Variants in SDK1 observed in about 807,000 individuals in gnomAD.
SDK1 encodes the protein protein sidekick-1.
A neutral mutation model predicts 245.5 loss-of-function variants in SDK1; 157 were observed. The ratio of observed to expected loss-of-function variants is 0.64; its 90% confidence interval spans 0.56 to 0.73. The LOEUF (loss-of-function observed/expected upper bound fraction) is 0.73, where lower values mean the gene tolerates loss of function less well. Ranked by LOEUF, SDK1 falls within the 30% of genes least tolerant of loss-of-function variation. The probability of loss-of-function intolerance (pLI) is 0.00; values close to 1 mark genes in which losing one functional copy is unlikely to be tolerated. For missense variants in SDK1, 3,583 were observed against 3,002.3 expected (o/e 1.19, Z -4.52); for synonymous variants, 1,647 against 1,278.5 (o/e 1.29, Z -6.15).
At chr7:3,380,681 T>G (rs982983197) in intron 1 of SDK1, among the ~76,000 whole-genome samples, 1 of 152,202 alleles carries the variant, frequency 6.6e-6, no homozygotes, top group Non-Finnish European at 1.5e-5. Context: ...TTAAGGAGAC[T>G]GACTCTTTCT....
At chr7:4,132,069 G>C (rs1034040721) in intron 27 of SDK1, among the ~76,000 whole-genome samples, 4 of 152,240 alleles carry the variant, frequency 2.6e-5, no homozygotes, top group Admixed American at 2.6e-4. Flanking sequence ...GGCATAGTTC[G>C]TGAACCCTGC....
intron 4 of SDK1, among the ~76,000 whole-genome samples, chr7:3,798,826 C>T (rs1322871902): frequency 6.6e-6 from 1 of 152,124 alleles, no homozygotes; most frequent in Non-Finnish European, 1.5e-5. Context: ...ATTAAAACTA[C>T]CACAAAAAAT....
intron 1 of SDK1, among the ~76,000 whole-genome samples, chr7:3,403,186 A>G (rs1464308077): frequency 2.0e-5 from 3 of 152,130 alleles, no homozygotes; most frequent in Non-Finnish European, 4.4e-5. Flanking sequence ...TGCCCGCCTT[A>G]GCCTCCCAAA....
At chr7:3,751,681 C>G (rs111936364) in intron 4 of SDK1, among the ~76,000 whole-genome samples, 5 of 152,138 alleles carry the variant, frequency 3.3e-5, no homozygotes, top group South Asian at 2.1e-4. Flanking sequence ...ACTGCAGTAC[C>G]GAGCTCTGTG....
intron 2 of SDK1, among the ~76,000 whole-genome samples, chr7:3,631,709 G>A (rs1782296844): frequency 6.6e-6 from 1 of 152,176 alleles, no homozygotes; most frequent in Non-Finnish European, 1.5e-5. Flanking sequence ...GGCAGAATTA[G>A]CATTAGGCTT....
chr7:3,682,934 A>G (rs911651437), intron 4 of SDK1, among the ~76,000 whole-genome samples: 2 of 152,054 alleles, frequency 1.3e-5, no homozygotes, highest in African/African-American at 2.4e-5. Flanking sequence ...GGGTTTCACC[A>G]TGTTGTCCAG....
chr7:3,903,687 C>T (rs1391483119), intron 5 of SDK1, among the ~76,000 whole-genome samples: 1 of 152,126 alleles, frequency 6.6e-6, no homozygotes, highest in Non-Finnish European at 1.5e-5. Flanking sequence ...TTTTTTAGCA[C>T]TCATGAAATA....
At chr7:4,050,131 G>A (rs748979970) in intron 18 of SDK1, among the ~76,000 whole-genome samples, 44 of 152,314 alleles carry the variant, frequency 2.9e-4, no homozygotes, top group African/African-American at 5.3e-4. Context: ...TCCACTAATC[G>A]TCTTTAATAG....
At chr7:3,889,512 TC>T (rs1165430486) in intron 5 of SDK1, among the ~76,000 whole-genome samples, 1 of 151,866 alleles carries the variant, frequency 6.6e-6, no homozygotes, top group East Asian at 1.9e-4. Flanking sequence ...GCTAGATGAT[TC>T]TTTTTTTTTT....
At chr7:3,548,978 C>A (rs1240590592) in intron 1 of SDK1, among the ~76,000 whole-genome samples, 1 of 152,226 alleles carries the variant, frequency 6.6e-6, no homozygotes, top group Non-Finnish European at 1.5e-5. Flanking sequence ...ACTCTCCCTA[C>A]TATCAATATA....
chr7:3,453,536 G>C (rs1288077681), intron 1 of SDK1, among the ~76,000 whole-genome samples: 2 of 152,184 alleles, frequency 1.3e-5, no homozygotes, highest in African/African-American at 4.8e-5. Flanking sequence ...GGGAAGAAAG[G>C]AGAGGAGGCA....
chr7:3,526,699 A>T (rs1783146142), intron 1 of SDK1, among the ~76,000 whole-genome samples: 1 of 152,056 alleles, frequency 6.6e-6, no homozygotes. Context: ...TCTTCATGCC[A>T]TCAATCTGTC....
intron 5 of SDK1, among the ~76,000 whole-genome samples, chr7:3,938,624 C>A (rs919342844): frequency 2.2e-5 from 3 of 137,598 alleles, no homozygotes; most frequent in African/African-American, 3.3e-5. Context: ...CCAGCCTGGG[C>A]GACAGAGTGA....
intron 28 of SDK1, among the ~76,000 whole-genome samples, chr7:4,135,381 C>G (rs1280548215): frequency 1.3e-5 from 2 of 152,210 alleles, no homozygotes; most frequent in African/African-American, 4.8e-5. Context: ...CCCAGACGCT[C>G]TGCACTTCCA....
chr7:3,305,425 A>G (rs890724405), intron 1 of SDK1, among the ~76,000 whole-genome samples: 5 of 152,230 alleles, frequency 3.3e-5, no homozygotes, highest in Admixed American at 3.3e-4. Flanking sequence ...GGTCTGGGTC[A>G]CTTTTCTCAG....
intron 1 of SDK1, among the ~76,000 whole-genome samples, chr7:3,452,598 G>A (rs936719316): frequency 3.2e-4 from 49 of 152,128 alleles, no homozygotes; most frequent in African/African-American, 1.0e-3. Flanking sequence ...CTAATATAAG[G>A]CACTCTTGCT....
chr7:3,821,549 C>G lies in SDK1; in HGVS notation c.813C>G (p.Asn271Lys), dbSNP rs148973866. The change falls in exon 5 of 45, where the codon AAC (asparagine) becomes AAG (lysine). Residue 271 changes from asparagine (N) to lysine (K), a missense_variant. Coordinates refer to ENST00000404826, the MANE Select transcript of SDK1 (RefSeq NM_152744.4). Reference protein sequence around the residue: ...VQAVNEKNGENKTSPFIHLSI... With the variant: ...VQAVNEKNGEKKTSPFIHLSI... ...CCGTGAATGAGAAAAATGGAGAAAA[C>G]AAGACAAGCCCATTCATTCATTTGA... 2.5e-6 allele frequency: 4 copies of G among 1,613,786 alleles called. No homozygotes were observed. Among genetic ancestry groups the G allele is most frequent in the South Asian group, 2.2e-5 (2 of 91,002 alleles).
chr7:3,597,488 C>T (rs1049330999), intron 1 of SDK1, among the ~76,000 whole-genome samples: 1 of 152,152 alleles, frequency 6.6e-6, no homozygotes, highest in East Asian at 1.9e-4. Flanking sequence ...ACACCGGCGG[C>T]GGGGAGGCCA....
chr7:3,993,899 G>A (rs563906698), intron 14 of SDK1, among the ~76,000 whole-genome samples: 1 of 152,258 alleles, frequency 6.6e-6, no homozygotes, highest in African/African-American at 2.4e-5. Context: ...GCTCCACTGA[G>A]TCCACATCCC....
Sources: gnomAD v4.1 joint callset for allele counts (sites outside exome capture counted in the v4.1 genomes callset) on GRCh38, gnomAD v4.1.1 for gene constraint, MANE v1.5 for transcripts, NCBI Gene and HGNC (gene_info 2026-07-23, HGNC 2026-07-21) for gene names.